Variants in DNAH3 observed in about 807,000 individuals in gnomAD.
DNAH3 encodes the protein axonemal beta dynein heavy chain 3.
Under a neutral mutation model 432.5 loss-of-function variants are expected in DNAH3, and 332 were observed. That is an observed-to-expected ratio of 0.77 (90% CI 0.70 to 0.84). The LOEUF (loss-of-function observed/expected upper bound fraction) is 0.84, where lower values mean the gene tolerates loss of function less well. Among genes scored for constraint, DNAH3 ranks in the 40% least tolerant of loss-of-function variants. The pLI is 0.00. For missense variants in DNAH3, 4,861 were observed against 5,114.0 expected (o/e 0.95, Z 1.51); for synonymous variants, 1,956 against 1,900.2 (o/e 1.03, Z -0.76).
At chr16:21,122,114 T>A in exon 10 of DNAH3, 4 of 1,611,074 alleles carry the variant, frequency 2.5e-6, no homozygotes, top group Non-Finnish European at 3.4e-6. Context: ...CTCCTTAAAA[T>A]CATTCCCATC....
Position 20,997,479 on chromosome 16 carries a change from C to A in DNAH3, c.6422-17G>T. On this transcript the variant is annotated splice_polypyrimidine_tract_variant and intron_variant, in intron 43 of 61. Transcript: ENST00000261383. ...TGAGGTCATCTGGGGAAAGAAACCA[C>A]AGATACAGCCATTGCAAGTTCATGG... The A allele has an allele frequency of 6.2e-7, 1 of 1,611,928 alleles. No homozygotes were observed. Among genetic ancestry groups the A allele is most frequent in the Non-Finnish European group, 8.5e-7 (1 of 1,178,650 alleles).
chr16:21,109,836 T>C (rs2092030784), intron 14 of DNAH3, among the ~76,000 whole-genome samples: 1 of 151,968 alleles, frequency 6.6e-6, no homozygotes, highest in Admixed American at 6.6e-5. Flanking sequence ...CTTCTGGGGC[T>C]CAAGTGATCC....
At chr16:21,034,778 G>T (rs1266466480) in intron 35 of DNAH3, among the ~76,000 whole-genome samples, 1 of 152,192 alleles carries the variant, frequency 6.6e-6, no homozygotes, top group East Asian at 1.9e-4. Context: ...GTGACAACGG[G>T]AGTGGTAGAG....
At chr16:21,013,058 C>T (rs2152703735) in intron 41 of DNAH3, among the ~76,000 whole-genome samples, 1 of 152,174 alleles carries the variant, frequency 6.6e-6, no homozygotes, top group African/African-American at 2.4e-5. Context: ...AGCCACCGTG[C>T]ACAGCCAAAA....
chr16:20,987,431 G>C, exon 47 of DNAH3: 2 of 1,614,034 alleles, frequency 1.2e-6, no homozygotes, highest in Non-Finnish European at 1.7e-6. Flanking sequence ...TCCAAAGCCG[G>C]ATACATTTTT....
intron 27 of DNAH3, among the ~76,000 whole-genome samples, chr16:21,057,111 T>C (rs2090162117): frequency 6.6e-6 from 1 of 152,072 alleles, no homozygotes; most frequent in Admixed American, 6.6e-5. Context: ...AGTATGAAGT[T>C]TTCATTCATC....
chr16:21,122,109 T>A lies in DNAH3; in HGVS notation c.1420A>T (p.Lys474Ter). 1.2e-6 allele frequency: 2 copies of A among 1,611,478 alleles called. No individual in the cohort carries two copies. The highest frequency in any genetic ancestry group is 1.7e-6 in the Non-Finnish European group (2 of 1,179,174). The change falls in exon 10 of 62, where the codon AAG (lysine) becomes TAG (stop). Residue 474 changes from lysine to a stop codon, truncating the protein, a stop_gained. Coordinates refer to ENST00000261383, the Ensembl canonical transcript of DNAH3. LOFTEE classifies it high-confidence loss of function. ...AACTTCATCTCTTGGTAGGGCTCCTTAAAATCATTCCCATCCTTCAGGAGA... is the reference window on the plus strand; with the variant it reads ...AACTTCATCTCTTGGTAGGGCTCCTAAAAATCATTCCCATCCTTCAGGAGA...
chr16:21,085,527 C>CAAAAAA (rs34136946), intron 19 of DNAH3, among the ~76,000 whole-genome samples: 8 of 81,316 alleles, frequency 9.8e-5, no homozygotes, highest in Admixed American at 2.9e-4. Context: ...GATTCCACCT[C>CAAAAAA]AAAAAAAAAA....
chr16:21,013,678 C>G (rs1271887759), intron 41 of DNAH3, among the ~76,000 whole-genome samples: 1 of 131,352 alleles, frequency 7.6e-6, no homozygotes, highest in Non-Finnish European at 1.5e-5. Flanking sequence ...AAGATCGTGC[C>G]ATTGCACTCC....
intron 17 of DNAH3, among the ~76,000 whole-genome samples, 162 bp downstream of exon 17, chr16:21,098,454 A>AAG (rs1555556410): frequency 1.1e-4 from 16 of 149,696 alleles, no homozygotes; most frequent in East Asian, 6.1e-4. Flanking sequence ...AAAAAAAAAA[A>AAG]AAAAGAAAAG....
At chr16:21,019,689 A>G (rs140184356) in exon 41 of DNAH3, 3 of 1,614,028 alleles carry the variant, frequency 1.9e-6, no homozygotes, top group Non-Finnish European at 2.5e-6. Flanking sequence ...GTTATCATCC[A>G]TGCCCATGAT....
intron 19 of DNAH3, among the ~76,000 whole-genome samples, chr16:21,083,764 G>A (rs1307590862): frequency 2.0e-5 from 3 of 152,180 alleles, no homozygotes. Flanking sequence ...CATCAGGGCA[G>A]AGAATGACAT....
rs549361604 is a variant in DNAH3, at chr16:21,136,650, G to A, written c.697-137C>T. 10 of 787,950 alleles carry A rather than the reference G, an allele frequency of 1.3e-5. No homozygotes were observed. In the East Asian group the frequency reaches 1.6e-4, roughly 12 times the overall value. The allele number at this position is 787,950 out of a possible 1,614,324, so 48.8% of individuals were successfully genotyped here. On this transcript the variant is annotated intron_variant, in intron 5 of 61. Coordinates refer to ENST00000261383, the Ensembl canonical transcript of DNAH3. ...TTCACTTGCCATAACCATGCATTCTGGGCCTGTCGCTTCACACTCATGGCA... is the reference window on the plus strand; with the variant it reads ...TTCACTTGCCATAACCATGCATTCTAGGCCTGTCGCTTCACACTCATGGCA...
exon 25 of DNAH3, chr16:21,062,610 G>A (rs1210271063): frequency 1.2e-6 from 2 of 1,614,022 alleles, no homozygotes; most frequent in East Asian, 4.5e-5. Flanking sequence ...TTCTTCAAGT[G>A]CGGCTGCACT....
intron 59 of DNAH3, among the ~76,000 whole-genome samples, chr16:20,939,116 G>A (rs1223280066): frequency 6.6e-6 from 1 of 152,064 alleles, no homozygotes; most frequent in Admixed American, 6.6e-5. Flanking sequence ...GAAAGCCCCT[G>A]CAACCACCAA....
At chr16:21,011,758 C>T (rs956088449) in intron 41 of DNAH3, among the ~76,000 whole-genome samples, 8 of 151,500 alleles carry the variant, frequency 5.3e-5, no homozygotes, top group Admixed American at 1.3e-4. Context: ...GAAGCAGGAA[C>T]AGAAAGCAAA....
chr16:21,130,805 AT>A (rs2092542298), intron 7 of DNAH3, among the ~76,000 whole-genome samples: 1 of 152,076 alleles, frequency 6.6e-6, no homozygotes, highest in Non-Finnish European at 1.5e-5. Flanking sequence ...GGTACATGTG[AT>A]TATCTATTAT....
chr16:20,980,299 T>TATATTATAATATACATCAC (rs2085828359), intron 49 of DNAH3, among the ~76,000 whole-genome samples: 1 of 142,808 alleles, frequency 7.0e-6, no homozygotes, highest in Admixed American at 7.4e-5. Flanking sequence ...ATATACATCA[T>TATATTATAATATACATCAC]ATATTATATT....
rs117846907 is a variant in DNAH3 at position 21,016,264 on chromosome 16, A to G, written c.6022+3360T>C. 8.5e-3 allele frequency among the ~76,000 whole-genome samples: 1,302 copies of G among 152,330 alleles called. 9 individuals are homozygous for G. Among genetic ancestry groups the G allele is most frequent in the Middle Eastern group, 0.02 (6 of 294 alleles). ...ACAATGAATTAAGTAAATATCATTA[A>G]CAACCAGAATATTGTTAATGATAGT... On this transcript the variant is annotated intron_variant, in intron 41 of 61. Coordinates refer to ENST00000261383, the Ensembl canonical transcript of DNAH3.
Sources: allele counts gnomAD v4.1 joint callset (sites outside exome capture counted in the v4.1 genomes callset), GRCh38; gene constraint gnomAD v4.1.1; transcripts MANE v1.5; gene names NCBI Gene and HGNC (gene_info 2026-07-23, HGNC 2026-07-21).